Variants in PRKACA observed in about 807,000 individuals in gnomAD.
PRKACA encodes the protein cAMP-dependent protein kinase catalytic subunit alpha.
A neutral mutation model predicts 45.8 loss-of-function variants in PRKACA; 9 were observed. The ratio of observed to expected loss-of-function variants is 0.20; its 90% CI spans 0.12 to 0.34. PRKACA has a LOEUF of 0.34. Among genes scored for constraint, PRKACA ranks in the 10% least tolerant of loss-of-function variants. The pLI is 1.00. For missense variants in PRKACA, 238 were observed against 458.6 expected, an observed-to-expected ratio of 0.52 and a Z score of 4.39; for synonymous variants, 160 against 178.6, an observed-to-expected ratio of 0.90 and a Z score of 0.83.
chr19:14,110,715 C>T (rs1448268303), intron 1 of PRKACA, among the ~76,000 whole-genome samples: 1 of 152,170 alleles, frequency 6.6e-6, no homozygotes, highest in East Asian at 1.9e-4. Flanking sequence ...AGGGACCAGC[C>T]CCTTGCTGAG....
chr19:14,096,352 T>G (rs1022210501), intron 8 of PRKACA: 1 of 111,394 alleles, frequency 9.0e-6, no homozygotes, highest in Non-Finnish European at 1.8e-5. Context: ...GGCCAGTTTG[T>G]TTTTTTTTTT....
Position 14,105,102 on chromosome 19 carries a change from C to T in PRKACA, c.237+1658G>A, listed in dbSNP as rs113284287. On this transcript the variant is annotated intron_variant, in intron 3 of 9. Transcript: ENST00000308677. ...AGTACAGAAAAAAAGGAAATATTTC[C>T]GAAGTCATGGAGGACTGGGAAAAAA... Among the ~76,000 whole-genome samples, 8 of 151,788 alleles carry T rather than the reference C, an allele frequency of 5.3e-5. No homozygotes were observed. The South Asian group carries it at 1.0e-3, about 20-fold the overall frequency.
chr19:14,104,285 T>C lies in PRKACA; in HGVS notation c.238-1371A>G, dbSNP rs150416721. Among the ~76,000 whole-genome samples, 1,022 of 128,306 alleles carry C rather than the reference T, an allele frequency of 8.0e-3. 17 individuals carry two copies. The highest frequency in any genetic ancestry group is 0.03 in the African/African-American group (983 of 32,932). The allele number at this position is 128,306 out of a possible 152,430, so 84.2% of individuals were successfully genotyped here. A position where few individuals can be genotyped will look rare whatever the true frequency, so the allele number is the denominator to read the frequency against. ...CCGGGAGGTGGAGCTGGCAGTGAGC[T>C]GAGATCACACCACTGCAGTCCAGCC... On this transcript the variant is annotated intron_variant, in intron 3 of 9. Coordinates refer to ENST00000308677, the MANE Select transcript of PRKACA (RefSeq NM_002730.4).
intron 5 of PRKACA, among the ~76,000 whole-genome samples, chr19:14,100,490 G>T (rs1977412370): frequency 6.6e-6 from 1 of 151,932 alleles, no homozygotes; most frequent in Non-Finnish European, 1.5e-5. Flanking sequence ...TGGAGACAGG[G>T]TTTTGCCATG....
In PRKACA at chr19:14,107,734, C is replaced by A. The variant is rs144311902; in HGVS notation, c.47-325G>T. ...ACCGACATTCCATGGCCAGGGCCGA[C>A]GCCAGCCGAGGTATTTATAGCCTTG... On this transcript the variant is annotated intron_variant, in intron 1 of 9. Transcript: ENST00000308677. The A allele has an allele frequency of 1.8e-5, 20 of 1,095,608 alleles. No homozygotes were observed. In the East Asian group the frequency reaches 1.0e-3, roughly 56 times the overall value. The allele number at this position is 1,095,608 out of a possible 1,614,324, so 67.9% of individuals were successfully genotyped here. A position where few individuals can be genotyped will look rare whatever the true frequency, so the allele number is the denominator to read the frequency against.
chr19:14,097,204 G>T lies in PRKACA; in HGVS notation c.765+157C>A. 1 of 1,143,148 alleles carries T rather than the reference G, an allele frequency of 8.7e-7. No homozygotes were observed. The highest frequency in any genetic ancestry group is 1.3e-6 in the Non-Finnish European group (1 of 794,184). 70.8% of individuals were successfully genotyped at this position (1,143,148 alleles called of 1,614,324 possible). ...GACAGCAAGGGGGCTTGAGGTGTTG[G>T]CCTCAGTGTGGCCGGCGCGTCCAGC... On this transcript the variant is annotated intron_variant, in intron 8 of 9. Transcript: ENST00000308677. This position sits in a 1 kb window ranked among gnomAD's most constrained non-coding sequence, Gnocchi z 5.4.
rs189918535 is a variant in PRKACA at position 14,097,948 on chromosome 19, A to C, written c.420-58T>G. 5.8e-3 allele frequency: 9,349 copies of C among 1,605,488 alleles called. 30 individuals are homozygous for C. The highest frequency in any genetic ancestry group is 7.0e-3 in the Non-Finnish European group (8,218 of 1,174,282). Reference sequence around the variant, plus strand: ...TGGTCATGCCCCAAAATGGTCCAGCAGGTGGCCCTGCAGAGCCTACCCCAG... The same window carrying C: ...TGGTCATGCCCCAAAATGGTCCAGCCGGTGGCCCTGCAGAGCCTACCCCAG... On this transcript the variant is annotated intron_variant, in intron 5 of 9. Transcript: ENST00000308677. This position sits in a 1 kb window ranked among gnomAD's most constrained non-coding sequence, Gnocchi z 5.4.
intron 5 of PRKACA, among the ~76,000 whole-genome samples, chr19:14,100,046 T>C (rs562478651): frequency 2.0e-5 from 3 of 152,084 alleles, no homozygotes; most frequent in African/African-American, 7.2e-5. Flanking sequence ...GGTTTCACCA[T>C]GTTAACCAGG....
intron 8 of PRKACA, among the ~76,000 whole-genome samples, chr19:14,094,967 A>G (rs982645203): frequency 4.6e-5 from 7 of 152,178 alleles, no homozygotes; most frequent in African/African-American, 1.7e-4. Context: ...GACCTTGGCC[A>G]TGGCCCTTAA....
intron 5 of PRKACA, chr19:14,098,092 A>G: frequency 3.4e-6 from 2 of 591,560 alleles, no homozygotes; most frequent in Non-Finnish European, 5.8e-6. Flanking sequence ...ACTGAGCTAT[A>G]GTCATACAAT....
intron 8 of PRKACA, among the ~76,000 whole-genome samples, chr19:14,094,263 A>G (rs1977182740): frequency 2.0e-5 from 3 of 149,160 alleles, no homozygotes. Flanking sequence ...ATCTGGGCTC[A>G]CTGCAACCTC....
chr19:14,114,372 A>G (rs1599352048), intron 1 of PRKACA, among the ~76,000 whole-genome samples: 1 of 151,688 alleles, frequency 6.6e-6, no homozygotes, highest in Admixed American at 6.5e-5. Flanking sequence ...CGGTTGCGCT[A>G]AGGGGAGAGC....
intron 8 of PRKACA, chr19:14,096,993 C>T (rs1977278758): frequency 5.7e-6 from 2 of 351,626 alleles, no homozygotes; most frequent in Non-Finnish European, 5.6e-6. Context: ...TGGACAGCAC[C>T]TGGGAACAGG....
chr19:14,093,878 T>A, intron 8 of PRKACA, 86 bp from the exon 9 acceptor site: 2 of 1,395,904 alleles, frequency 1.4e-6, no homozygotes. Flanking sequence ...CCAACGGTCC[T>A]ACTGGGTGTG....
At chr19:14,095,640 C>T (rs911415164) in intron 8 of PRKACA, among the ~76,000 whole-genome samples, 3 of 152,044 alleles carry the variant, frequency 2.0e-5, no homozygotes, top group Non-Finnish European at 4.4e-5. Flanking sequence ...GCCTCAGCCT[C>T]CCGAGTAGCT....
intron 4 of PRKACA, among the ~76,000 whole-genome samples, chr19:14,102,487 C>T (rs898305897): frequency 5.3e-5 from 8 of 152,206 alleles, no homozygotes; most frequent in African/African-American, 1.9e-4. Context: ...AAGTACTGAA[C>T]TGGGAAATGA....
intron 3 of PRKACA, among the ~76,000 whole-genome samples, chr19:14,103,195 G>A (rs541088144): frequency 1.3e-5 from 2 of 152,296 alleles, no homozygotes; most frequent in East Asian, 1.9e-4. Flanking sequence ...GGGTTGTGGA[G>A]AAGCAGCCCC....
chr19:14,106,959 TCCC>T, intron 2 of PRKACA, 71 bp from the exon 3 acceptor site: 1 of 1,571,056 alleles, frequency 6.4e-7, no homozygotes, highest in African/African-American at 1.4e-5. Context: ...GTCTGGGGCA[TCCC>T]CTCTGCCACC....
Position 14,097,951 on chromosome 19 carries a change from T to A in PRKACA, c.420-61A>T. The stretch of plus-strand genomic sequence containing the variant: ...TCATGCCCCAAAATGGTCCAGCAGG[T>A]GGCCCTGCAGAGCCTACCCCAGAGG... On this transcript the variant is annotated intron_variant, in intron 5 of 9. Coordinates refer to ENST00000308677, the MANE Select transcript of PRKACA (RefSeq NM_002730.4). This position sits in a 1 kb window ranked among gnomAD's most constrained non-coding sequence, Gnocchi z 5.4. 6.2e-7 allele frequency: 1 copy of A among 1,603,556 alleles called. No homozygotes were observed.
Sources: gnomAD v4.1 joint callset for allele counts (sites outside exome capture counted in the v4.1 genomes callset) on GRCh38, gnomAD v4.1.1 for gene constraint, Gnocchi (gnomAD v3.1) non-coding constraint, MANE v1.5 for transcripts, NCBI Gene and HGNC (gene_info 2026-07-23, HGNC 2026-07-21) for gene names.